BRINP3: variants seen among roughly 807,000 people sequenced by gnomAD.
BRINP3 encodes BMP/retinoic acid-inducible neural-specific protein 3.
In BRINP3, 19 loss-of-function variants were observed where a neutral mutation model predicts 71.0. The ratio of observed to expected loss-of-function variants is 0.27; its 90% CI spans 0.19 to 0.39. BRINP3 has a LOEUF of 0.39. Ranked by LOEUF, BRINP3 falls within the 10% of genes least tolerant of loss-of-function variation. The probability of loss-of-function intolerance (pLI) is 1.00; values close to 1 mark genes in which losing one functional copy is unlikely to be tolerated. For missense variants in BRINP3, 959 were observed against 940.8 expected (o/e 1.02, Z -0.25); for synonymous variants, 380 against 337.7 (o/e 1.13, Z -1.37).
chr1:190,348,247 T>C (rs965763756), intron 2 of BRINP3, among the ~76,000 whole-genome samples: 1 of 152,118 alleles, frequency 6.6e-6, no homozygotes, highest in African/African-American at 2.4e-5. Flanking sequence ...TCTGAGATAT[T>C]ATTGCCTTAG....
chr1:190,410,075 C>T (rs958369731), intron 2 of BRINP3, among the ~76,000 whole-genome samples: 2 of 149,450 alleles, frequency 1.3e-5, no homozygotes, highest in Admixed American at 6.7e-5. Context: ...TTTATTTATC[C>T]TTTGCTCTTT....
chr1:190,451,145 T>G (rs1028546583), intron 2 of BRINP3, among the ~76,000 whole-genome samples: 12 of 151,754 alleles, frequency 7.9e-5, no homozygotes, highest in African/African-American at 2.9e-4. Context: ...AATAATTCAC[T>G]TACACATGTG....
intron 2 of BRINP3, among the ~76,000 whole-genome samples, chr1:190,347,347 G>A (rs904943364): frequency 1.4e-4 from 21 of 152,082 alleles, no homozygotes; most frequent in African/African-American, 3.1e-4. Flanking sequence ...TCACCATGTT[G>A]GCCAGGATGG....
At chr1:190,302,011 A>G (rs1475765803) in intron 2 of BRINP3, among the ~76,000 whole-genome samples, 2 of 151,526 alleles carry the variant, frequency 1.3e-5, no homozygotes, top group Non-Finnish European at 3.0e-5. Context: ...TTTTCTGAGT[A>G]CTTTTATGTT....
In BRINP3 at chr1:190,421,528, G is replaced by A. The variant is rs114712910; in HGVS notation, c.236+33127C>T. ...TGACCATAATAAAACAAGGTAATGA[G>A]ATGTTTTATGAAAGTAATTGATTCC... On this transcript the variant is annotated intron_variant, in intron 2 of 7. Coordinates refer to ENST00000367462, the MANE Select transcript of BRINP3 (RefSeq NM_199051.3). Among the ~76,000 whole-genome samples, 929 of 151,586 alleles carry A rather than the reference G, an allele frequency of 6.1e-3. 6 individuals carry two copies. Among genetic ancestry groups the A allele is most frequent in the Admixed American group, 0.011 (173 of 15,164 alleles).
chr1:190,409,221 G>A (rs1672496738), intron 2 of BRINP3, among the ~76,000 whole-genome samples: 1 of 152,140 alleles, frequency 6.6e-6, no homozygotes, highest in African/African-American at 2.4e-5. Context: ...GGGCAACACA[G>A]TAAGACCCTG....
intron 2 of BRINP3, among the ~76,000 whole-genome samples, chr1:190,327,549 C>T (rs1400635190): frequency 1.4e-5 from 2 of 147,388 alleles, no homozygotes; most frequent in African/African-American, 5.0e-5. Context: ...GGCTGTAAAC[C>T]AACAACAGTA....
chr1:190,127,589 C>G (rs1654193422), intron 7 of BRINP3, among the ~76,000 whole-genome samples: 1 of 151,850 alleles, frequency 6.6e-6, no homozygotes, highest in South Asian at 2.1e-4. Context: ...TATATCATAG[C>G]TAAGCTCACA....
intron 3 of BRINP3, among the ~76,000 whole-genome samples, chr1:190,268,787 TA>T (rs1392881701): frequency 2.0e-5 from 3 of 152,126 alleles, no homozygotes; most frequent in African/African-American, 7.2e-5. Context: ...AATAATGGAT[TA>T]GATCACACCA....
chr1:190,196,819 C>A (rs1180221218), intron 6 of BRINP3, among the ~76,000 whole-genome samples: 1 of 151,708 alleles, frequency 6.6e-6, no homozygotes, highest in Non-Finnish European at 1.5e-5. Context: ...GAGTGGAGTC[C>A]AGATAGTCAC....
intron 2 of BRINP3, among the ~76,000 whole-genome samples, chr1:190,385,786 G>A (rs1449754107): frequency 6.6e-6 from 1 of 151,372 alleles, no homozygotes; most frequent in Non-Finnish European, 1.5e-5. Context: ...GCACACATAT[G>A]TTTATTGTGG....
chr1:190,448,013 A>T (rs1259311714), intron 2 of BRINP3, among the ~76,000 whole-genome samples: 2 of 151,760 alleles, frequency 1.3e-5, no homozygotes, highest in Non-Finnish European at 3.0e-5. Context: ...ATATTAAAAA[A>T]GTAAGACCAT....
intron 1 of BRINP3, chr1:190,474,822 T>C (rs1677390767): frequency 6.6e-6 from 1 of 152,192 alleles, no homozygotes; most frequent in Non-Finnish European, 1.5e-5. Context: ...TCTCTGTCAC[T>C]GTTTGGCTGT....
At chr1:190,170,659 T>C (rs1651933937) in intron 6 of BRINP3, among the ~76,000 whole-genome samples, 1 of 152,150 alleles carries the variant, frequency 6.6e-6, no homozygotes, top group African/African-American at 2.4e-5. Context: ...AACTGCAAGA[T>C]AAAAATGTAG....
chr1:190,439,834 C>A (rs1371821407), intron 2 of BRINP3, among the ~76,000 whole-genome samples: 2 of 151,724 alleles, frequency 1.3e-5, no homozygotes, highest in African/African-American at 4.8e-5. Flanking sequence ...TATACAATGG[C>A]AAAAACAGGA....
chr1:190,283,273 T>G (rs990059478), intron 2 of BRINP3, among the ~76,000 whole-genome samples: 2 of 152,144 alleles, frequency 1.3e-5, no homozygotes, highest in African/African-American at 2.4e-5. Flanking sequence ...CTTCAGCACC[T>G]ATCAGAATCA....
At chr1:190,301,479 C>T (rs1664735675) in intron 2 of BRINP3, among the ~76,000 whole-genome samples, 2 of 150,994 alleles carry the variant, frequency 1.3e-5, no homozygotes, top group African/African-American at 4.9e-5. Context: ...CATATTTTTC[C>T]TTTTTCCATT....
intron 2 of BRINP3, among the ~76,000 whole-genome samples, chr1:190,380,482 A>G (rs1193430011): frequency 6.6e-6 from 1 of 152,172 alleles, no homozygotes; most frequent in African/African-American, 2.4e-5. Flanking sequence ...TATAGGAGAA[A>G]CAAATTTTCT....
At chr1:190,435,921 C>A (rs1056886899) in intron 2 of BRINP3, among the ~76,000 whole-genome samples, 1 of 151,820 alleles carries the variant, frequency 6.6e-6, no homozygotes, top group African/African-American at 2.4e-5. Context: ...TTTTCACAAC[C>A]CTGTGAATTT....
Sources: gnomAD v4.1 joint callset for allele counts (sites outside exome capture counted in the v4.1 genomes callset) on GRCh38, gnomAD v4.1.1 for gene constraint, MANE v1.5 for transcripts, NCBI Gene and HGNC (gene_info 2026-07-23, HGNC 2026-07-21) for gene names.